ESYT2: variants seen among roughly 807,000 people sequenced by gnomAD.
ESYT2 encodes extended synaptotagmin 2.
In ESYT2, 54 loss-of-function variants were observed where a neutral mutation model predicts 107.2. The ratio of observed to expected loss-of-function variants is 0.50; its 90% CI spans 0.40 to 0.63. The LOEUF is 0.63. Ranked by LOEUF, ESYT2 falls within the 30% of genes least tolerant of loss-of-function variation. The pLI is 0.00. For synonymous variants in ESYT2, 491 were observed against 434.1 expected, an observed-to-expected ratio of 1.13 and a Z score of -1.63; for missense variants, 1,020 against 1,094.5, an observed-to-expected ratio of 0.93 and a Z score of 0.96.
At chr7:158,747,702 C>A (rs1837451664) in intron 16 of ESYT2, among the ~76,000 whole-genome samples, 1 of 152,156 alleles carries the variant, frequency 6.6e-6, no homozygotes, top group African/African-American at 2.4e-5. Context: ...GGGCATTTTA[C>A]CCAACAGAAT....
At chr7:158,799,098 C>T (rs752065706) in intron 1 of ESYT2, 26 bp from the exon 2 acceptor site, 1 of 1,599,902 alleles carries the variant, frequency 6.3e-7, no homozygotes, top group African/African-American at 1.3e-5. Context: ...ACACATATGA[C>T]TTATTAACTC....
chr7:158,755,069 T>A (rs985005922), intron 13 of ESYT2, among the ~76,000 whole-genome samples: 2 of 152,160 alleles, frequency 1.3e-5, no homozygotes, highest in Non-Finnish European at 2.9e-5. Context: ...GTTCTAAGAA[T>A]CCACATTATG....
chr7:158,796,031 C>T (rs1161316745), intron 3 of ESYT2, among the ~76,000 whole-genome samples: 1 of 152,158 alleles, frequency 6.6e-6, no homozygotes. Context: ...ATGGGGTGTA[C>T]ACTGGTGCCC....
chr7:158,743,819 G>A (rs1837303764), intron 16 of ESYT2, 141 bp from the exon 17 acceptor site: 1 of 944,578 alleles, frequency 1.1e-6, no homozygotes, highest in Non-Finnish European at 1.5e-6. Flanking sequence ...GGTGGCTCAC[G>A]CCTGTAATTT....
chr7:158,805,463 G>T (rs1839797085), intron 1 of ESYT2, among the ~76,000 whole-genome samples: 1 of 152,230 alleles, frequency 6.6e-6, no homozygotes, highest in African/African-American at 2.4e-5. Flanking sequence ...AGCTGTCACA[G>T]TATGGTCAAA....
chr7:158,778,422 G>A (rs1167236084), intron 6 of ESYT2, among the ~76,000 whole-genome samples: 4 of 150,988 alleles, frequency 2.6e-5, no homozygotes, highest in African/African-American at 9.8e-5. Flanking sequence ...ACAGACACTG[G>A]CTTTAGTCAA....
At chr7:158,742,197 C>T (rs1195618792) in intron 17 of ESYT2, among the ~76,000 whole-genome samples, 1 of 152,182 alleles carries the variant, frequency 6.6e-6, no homozygotes, top group East Asian at 1.9e-4. Context: ...CCGCCTCAGC[C>T]TGCCAAGTAG....
At chr7:158,781,944 C>A (rs543176359) in intron 6 of ESYT2, among the ~76,000 whole-genome samples, 1 of 146,166 alleles carries the variant, frequency 6.8e-6, no homozygotes, top group African/African-American at 2.6e-5. Context: ...AGTGTAAGAA[C>A]GAGAACAAGT....
At chr7:158,781,629 GAAC>G (rs150760985) in intron 6 of ESYT2, among the ~76,000 whole-genome samples, 99,099 of 151,192 alleles carry the variant, frequency 0.66, 34,658 homozygotes, top group Non-Finnish European at 0.78. Context: ...ACGAGTGTGA[GAAC>G]AAAGTGAGGT....
chr7:158,821,674 G>A (rs1840289284), intron 1 of ESYT2, among the ~76,000 whole-genome samples: 1 of 152,156 alleles, frequency 6.6e-6, no homozygotes, highest in Non-Finnish European at 1.5e-5. Context: ...GGGTCTAGTG[G>A]GACCACTTCC....
At chr7:158,736,920 G>T (rs1836975681) in intron 20 of ESYT2, 128 bp downstream of exon 20, 11 of 1,185,932 alleles carry the variant, frequency 9.3e-6, no homozygotes, top group Non-Finnish European at 1.3e-5. Context: ...TTTGCTAAAA[G>T]TTGGTTTCTG....
rs1436098445 is a variant in ESYT2, at chr7:158,793,720, T to C, written c.514A>G (p.Arg172Gly). ...GTGTATACCTTAACACCATTGATCCTGAGGGGCTGAAATAAGAAGTAGCTT... is the reference window on the plus strand; with the variant it reads ...GTGTATACCTTAACACCATTGATCCCGAGGGGCTGAAATAAGAAGTAGCTT... ...TKVDVGQQPL[R>G]INGVKVYTEN... Residue 172 changes from arginine (R) to glycine (G), a missense_variant, in exon 4 of 23, where the codon AGG (arginine) becomes GGG (glycine). Physicochemically the swap from Arg to Gly is moderately radical, Grantham distance 125 (BLOSUM62 -2). Transcript: ENST00000275418. 2 of 1,612,546 alleles carry C rather than the reference T, an allele frequency of 1.2e-6. No homozygotes were observed. The highest frequency in any genetic ancestry group is 2.2e-5 in the East Asian group (1 of 44,860).
At chr7:158,743,110 T>C (rs574195828) in intron 17 of ESYT2, among the ~76,000 whole-genome samples, 1 of 152,366 alleles carries the variant, frequency 6.6e-6, no homozygotes, top group African/African-American at 2.4e-5. Context: ...AAAATATTTT[T>C]TTCCTGTAAG....
intron 16 of ESYT2, 71 bp from the exon 17 acceptor site, chr7:158,743,749 G>A (rs758431154): frequency 6.7e-6 from 10 of 1,484,352 alleles, no homozygotes; most frequent in African/African-American, 5.9e-5. Context: ...CGTTGTCTAC[G>A]CTCCTGACCC....
In ESYT2 at chr7:158,789,322, A is replaced by G. The variant is rs114713128; in HGVS notation, c.585-905T>C. On this transcript the variant is annotated intron_variant, in intron 4 of 22. Transcript: ENST00000275418. ...CTAACCTGTTGCGAAACTATTAAAA[A>G]AACTTTCCTTTTCTTCATTCTATGA... 5.3e-3 allele frequency among the ~76,000 whole-genome samples: 803 copies of G among 152,280 alleles called. 9 individuals are homozygous for G. The highest frequency in any genetic ancestry group is 0.018 in the African/African-American group (758 of 41,554).
At chr7:158,748,629 T>C (rs1379581257) in intron 15 of ESYT2, among the ~76,000 whole-genome samples, 1 of 152,094 alleles carries the variant, frequency 6.6e-6, no homozygotes, top group Non-Finnish European at 1.5e-5. Context: ...CTGAGGAGGG[T>C]GAGCACTTGG....
chr7:158,751,121 T>A lies in ESYT2; in HGVS notation c.1483-1398A>T, dbSNP rs145730740. On this transcript the variant is annotated intron_variant, in intron 14 of 22. Coordinates refer to ENST00000275418, the MANE Select transcript of ESYT2 (RefSeq NM_001367773.1). ...CTAACATCTCTGAAAACAGAATGAA[T>A]CTTAAATCGATAATATATACCTTTT... 3.7e-3 allele frequency among the ~76,000 whole-genome samples: 561 copies of A among 152,332 alleles called. 4 individuals are homozygous for A. The highest frequency in any genetic ancestry group is 6.1e-3 in the Non-Finnish European group (414 of 68,038).
At chr7:158,797,899 A>C (rs955609925) in intron 3 of ESYT2, 43 bp downstream of exon 3, 25 of 1,579,018 alleles carry the variant, frequency 1.6e-5, no homozygotes, top group Non-Finnish European at 2.0e-5. Context: ...TTTTCACAGC[A>C]ATCTGACTGT....
At chr7:158,769,347 G>C (rs984490702) in intron 7 of ESYT2, among the ~76,000 whole-genome samples, 1 of 152,202 alleles carries the variant, frequency 6.6e-6, no homozygotes, top group Non-Finnish European at 1.5e-5. Context: ...CGCAGAGGCA[G>C]GACCCACCCA....
Sources: allele counts gnomAD v4.1 joint callset (sites outside exome capture counted in the v4.1 genomes callset), GRCh38; gene constraint gnomAD v4.1.1; transcripts MANE v1.5; gene names NCBI Gene and HGNC (gene_info 2026-07-23, HGNC 2026-07-21).